ZC3H12B: variants seen among roughly 807,000 people sequenced by gnomAD.
The protein encoded by ZC3H12B is zinc finger CCCH-type containing 12B.
In ZC3H12B, 7 loss-of-function variants were observed where a neutral mutation model predicts 43.9. The ratio of observed to expected loss-of-function variants is 0.16; its 90% CI spans 0.09 to 0.30. The LOEUF (loss-of-function observed/expected upper bound fraction) is 0.30. ZC3H12B is among the 10% of genes least tolerant of loss of function. The probability of loss-of-function intolerance (pLI) is 1.00; values close to 1 mark genes in which losing one functional copy is unlikely to be tolerated. For missense variants in ZC3H12B, 475 were observed against 670.2 expected, an observed-to-expected ratio of 0.71 and a Z score of 3.22; for synonymous variants, 222 against 241.7, an observed-to-expected ratio of 0.92 and a Z score of 0.76.
At chrX:65,392,564 G>C (rs1430395606) in intron 2 of ZC3H12B, among the ~76,000 whole-genome samples, 3 of 110,463 alleles carry the variant, frequency 2.7e-5, no homozygotes, top group African/African-American at 9.9e-5. Flanking sequence ...GGTCACCCCC[G>C]CTTGGCAGCC....
chrX:65,326,533 A>C, the ZC3H12B span, among the ~76,000 whole-genome samples: 3 of 110,387 alleles, frequency 2.7e-5, no homozygotes, highest in East Asian at 8.5e-4. Context: ...GATAAAGAGA[A>C]GTTGATTAAT....
chrX:65,216,980 T>G, the ZC3H12B span, among the ~76,000 whole-genome samples: 1 of 111,568 alleles, frequency 9.0e-6, no homozygotes, highest in Non-Finnish European at 1.9e-5. Flanking sequence ...CTTAGACTGG[T>G]GCCCCTACTG....
At chrX:65,377,505 G>A (rs1454017349) in intron 2 of ZC3H12B, among the ~76,000 whole-genome samples, 3 of 110,329 alleles carry the variant, frequency 2.7e-5, no homozygotes, top group African/African-American at 9.9e-5. Flanking sequence ...GTAAAGAAAG[G>A]ATCCTAAAAG....
the ZC3H12B span, among the ~76,000 whole-genome samples, chrX:65,157,834 C>T: frequency 2.8e-5 from 3 of 106,867 alleles, no homozygotes; most frequent in African/African-American, 1.0e-4. Flanking sequence ...AGGTTAGTTA[C>T]ATATGTATAC....
At chrX:65,501,805 C>T (rs761119484) in exon 5 of ZC3H12B, 17 of 1,165,078 alleles carry the variant, frequency 1.5e-5, no homozygotes, top group South Asian at 6.0e-5. Context: ...AATGCACCTA[C>T]GGCCACAAGT....
At chrX:65,471,195 TG>T in intron 3 of ZC3H12B, among the ~76,000 whole-genome samples, 1 of 111,646 alleles carries the variant, frequency 9.0e-6, no homozygotes, top group Non-Finnish European at 1.9e-5. Flanking sequence ...TTTATAAATC[TG>T]AGGACTCCAG....
the ZC3H12B span, among the ~76,000 whole-genome samples, chrX:65,183,370 C>T: frequency 2.7e-5 from 3 of 110,994 alleles, no homozygotes; most frequent in Non-Finnish European, 5.7e-5. Flanking sequence ...ACATTTAGTA[C>T]ATATGGACAC....
chrX:65,404,472 T>C (rs1157280592), intron 3 of ZC3H12B, among the ~76,000 whole-genome samples: 1 of 111,026 alleles, frequency 9.0e-6, no homozygotes, highest in Non-Finnish European at 1.9e-5. Context: ...ACTTTACCTA[T>C]AAAGACACAA....
At position 65,430,706 on chromosome X, in the gene ZC3H12B, G is replaced by C. The variant is rs1038825348; in HGVS notation, n.407+32002G>C. ...TTTTATGGCTGCATAGTATTCCATG[G>C]TGTATATGTGCCACATTTTCTTAAT... On this transcript the variant is annotated intron_variant and non_coding_transcript_variant, in intron 3 of 5. Coordinates refer to the ZC3H12B transcript ENST00000617377. 2.7e-5 allele frequency among the ~76,000 whole-genome samples: 3 copies of C among 110,036 alleles called. No individual in the cohort carries two copies. In the Admixed American group the frequency reaches 2.9e-4, roughly 11 times the overall value.
chrX:65,107,156 A>C, the ZC3H12B span, among the ~76,000 whole-genome samples: 1 of 111,593 alleles, frequency 9.0e-6, no homozygotes, highest in African/African-American at 3.3e-5. Flanking sequence ...TCAGATTAGG[A>C]AGGACCTTGA....
chrX:65,437,243 C>A (rs1413056996), intron 3 of ZC3H12B, among the ~76,000 whole-genome samples: 2 of 111,637 alleles, frequency 1.8e-5, no homozygotes, highest in Non-Finnish European at 3.8e-5. Context: ...TGAGCCACCA[C>A]ATCCAACTCA....
chrX:65,284,060 A>T, the ZC3H12B span, among the ~76,000 whole-genome samples: 5 of 110,913 alleles, frequency 4.5e-5, no homozygotes, highest in African/African-American at 1.6e-4. Context: ...TGCACTTTTC[A>T]TCTTATAGCC....
At chrX:65,330,899 C>T in the ZC3H12B span, 1 of 235,104 alleles carries the variant, frequency 4.3e-6, no homozygotes, top group Non-Finnish European at 8.5e-6. Context: ...TTTTCTCTTT[C>T]TTCTTTTGTT....
the ZC3H12B span, among the ~76,000 whole-genome samples, chrX:65,249,841 C>G: frequency 1.6e-5 from 1 of 63,700 alleles, no homozygotes; most frequent in African/African-American, 5.6e-5. Flanking sequence ...AAACGGGTTT[C>G]AGTTCTTGAC....
At chrX:65,158,861 G>T in the ZC3H12B span, among the ~76,000 whole-genome samples, 1 of 111,939 alleles carries the variant, frequency 8.9e-6, no homozygotes, top group South Asian at 3.8e-4. Context: ...CCTGTGTCCT[G>T]AATGGTAATG....
chrX:65,161,312 A>T, the ZC3H12B span, among the ~76,000 whole-genome samples: 3 of 110,674 alleles, frequency 2.7e-5, no homozygotes, highest in Non-Finnish European at 3.8e-5. Flanking sequence ...ATTCCTGGGG[A>T]TCTTTGTTAA....
the ZC3H12B span, among the ~76,000 whole-genome samples, chrX:65,164,434 G>A: frequency 3.1e-4 from 35 of 111,466 alleles, no homozygotes; most frequent in Non-Finnish European, 6.0e-4. Flanking sequence ...GGAGCAATTA[G>A]GGAGGATATA....
the ZC3H12B span, among the ~76,000 whole-genome samples, chrX:65,305,196 TTTAG>T: frequency 8.9e-6 from 1 of 111,828 alleles, no homozygotes; most frequent in African/African-American, 3.2e-5. Flanking sequence ...TTAAGTACTA[TTTAG>T]TTAAACTTTA....
At chrX:65,170,662 C>G in the ZC3H12B span, among the ~76,000 whole-genome samples, 5 of 112,059 alleles carry the variant, frequency 4.5e-5, no homozygotes, top group Non-Finnish European at 3.8e-5. Flanking sequence ...CTGTCACTTT[C>G]AGGTACACCA....
Sources: gnomAD v4.1 joint callset for allele counts (sites outside exome capture counted in the v4.1 genomes callset) on GRCh38, gnomAD v4.1.1 for gene constraint, MANE v1.5 for transcripts, NCBI Gene and HGNC (gene_info 2026-07-23, HGNC 2026-07-21) for gene names.